HS3ST2: variants seen among roughly 807,000 people sequenced by gnomAD.
HS3ST2 encodes the protein heparan sulfate glucosamine 3-O-sulfotransferase 2.
Under a neutral mutation model 26.3 loss-of-function variants are expected in HS3ST2, and 17 were observed. That is an observed-to-expected ratio of 0.65 (90% CI 0.44 to 0.97). The LOEUF (loss-of-function observed/expected upper bound fraction) is 0.97. HS3ST2 is among the 50% of genes least tolerant of loss of function. HS3ST2 has a pLI of 0.00. For synonymous variants in HS3ST2, 237 were observed against 219.2 expected (o/e 1.08, Z -0.72); for missense variants, 402 against 501.2 (o/e 0.80, Z 1.89).
At chr16:22,868,877 T>A (rs1901793863) in intron 1 of HS3ST2, among the ~76,000 whole-genome samples, 2 of 152,012 alleles carry the variant, frequency 1.3e-5, no homozygotes, top group African/African-American at 4.8e-5. Flanking sequence ...GACCCATTAG[T>A]GTCAGTAATT....
intron 1 of HS3ST2, among the ~76,000 whole-genome samples, chr16:22,869,519 T>C (rs1185093452): frequency 4.6e-5 from 7 of 152,138 alleles, no homozygotes; most frequent in Non-Finnish European, 1.0e-4. Flanking sequence ...GACTTACAGT[T>C]CCACATGGCT....
chr16:22,814,546 C>A lies in HS3ST2; in HGVS notation c.-65C>A. 7.0e-7 allele frequency: 1 copy of A among 1,436,844 alleles called. No homozygotes were observed. The highest frequency in any genetic ancestry group is 2.7e-5 in the East Asian group (1 of 37,232). 89.0% of individuals were successfully genotyped at this position (1,436,844 alleles called of 1,614,324 possible). A position where few individuals can be genotyped will look rare whatever the true frequency, so the allele number is the denominator to read the frequency against. On this transcript the variant is annotated 5_prime_UTR_variant, in exon 1 of 2. Transcript: ENST00000261374. ...GCGAGCCCTCTAGGCGACCGCAGGG[C>A]CACAGCAGCTCAGCCGCCGGTGCCC...
chr16:22,909,901 G>T (rs1162797662), intron 1 of HS3ST2, among the ~76,000 whole-genome samples: 1 of 152,140 alleles, frequency 6.6e-6, no homozygotes, highest in African/African-American at 2.4e-5. Context: ...GCTGGGCGTG[G>T]TGGCACATGC....
intron 1 of HS3ST2, among the ~76,000 whole-genome samples, chr16:22,856,399 T>G (rs1432760041): frequency 6.6e-6 from 1 of 152,204 alleles, no homozygotes; most frequent in South Asian, 2.1e-4. Context: ...GACCTGCAAT[T>G]CCTTTCCCTG....
At chr16:22,864,367 C>T (rs1041306919) in intron 1 of HS3ST2, among the ~76,000 whole-genome samples, 2 of 152,192 alleles carry the variant, frequency 1.3e-5, no homozygotes, top group Non-Finnish European at 2.9e-5. Context: ...GGAAATATGT[C>T]AGGACCTCAT....
chr16:22,915,653 C>A lies in HS3ST2; in HGVS notation c.*91C>A. The A allele has an allele frequency of 7.1e-7, 1 of 1,400,466 alleles. No homozygotes were observed. The highest frequency in any genetic ancestry group is 9.7e-7 in the Non-Finnish European group (1 of 1,029,226). 86.8% of individuals were successfully genotyped at this position (1,400,466 alleles called of 1,614,324 possible). On this transcript the variant is annotated 3_prime_UTR_variant, in exon 2 of 2. Coordinates refer to ENST00000261374, the MANE Select transcript of HS3ST2 (RefSeq NM_006043.2). The stretch of plus-strand genomic sequence containing the variant: ...ACCCTCTGATCTCCCTCCAACAAAC[C>A]CTGGCTCCAGCCCCCTTTCCCAACT...
chr16:22,857,983 T>A (rs1411816132), intron 1 of HS3ST2, among the ~76,000 whole-genome samples: 1 of 152,120 alleles, frequency 6.6e-6, no homozygotes, highest in Non-Finnish European at 1.5e-5. Context: ...TGGTTGTTCT[T>A]TGATTCACTT....
chr16:22,903,045 G>C (rs963084488), intron 1 of HS3ST2, among the ~76,000 whole-genome samples: 2 of 152,058 alleles, frequency 1.3e-5, no homozygotes, highest in Non-Finnish European at 1.5e-5. Context: ...TTCTATTCCA[G>C]GGACTTATTT....
chr16:22,871,949 G>C (rs1402064114), intron 1 of HS3ST2, among the ~76,000 whole-genome samples: 1 of 152,204 alleles, frequency 6.6e-6, no homozygotes, highest in Non-Finnish European at 1.5e-5. Flanking sequence ...GCAGGGAAGT[G>C]ACCAGGCGTA....
intron 1 of HS3ST2, among the ~76,000 whole-genome samples, chr16:22,903,585 G>A (rs1328577463): frequency 2.0e-5 from 3 of 152,164 alleles, no homozygotes; most frequent in African/African-American, 7.2e-5. Context: ...TTAGTCCTGT[G>A]CCTGGCATGC....
chr16:22,884,677 T>TATATA (rs368786272), intron 1 of HS3ST2, among the ~76,000 whole-genome samples: 3 of 138,314 alleles, frequency 2.2e-5, no homozygotes, highest in African/African-American at 7.8e-5. Flanking sequence ...TATATATATA[T>TATATA]TATATATATA....
At chr16:22,904,402 C>A (rs576431571) in intron 1 of HS3ST2, among the ~76,000 whole-genome samples, 1 of 152,174 alleles carries the variant, frequency 6.6e-6, no homozygotes, top group South Asian at 2.1e-4. Flanking sequence ...AGTCATGATC[C>A]CTGCCTTCAG....
In HS3ST2 at chr16:22,874,346, A is replaced by G. The variant is rs919640807; in HGVS notation, c.486-40598A>G. Among the ~76,000 whole-genome samples the G allele has an allele frequency of 3.3e-5, 5 of 152,338 alleles. No homozygotes were observed. In the South Asian group the frequency reaches 1.0e-3, roughly 32 times the overall value. On this transcript the variant is annotated intron_variant, in intron 1 of 1. Coordinates refer to ENST00000261374, the MANE Select transcript of HS3ST2 (RefSeq NM_006043.2). ...TTCCAGACTTATTTTACAGGAGATA[A>G]GTTCAGAAGGTGAGATTTCCTCCTC...
chr16:22,914,179 C>T (rs926139542), intron 1 of HS3ST2, among the ~76,000 whole-genome samples: 1 of 151,772 alleles, frequency 6.6e-6, no homozygotes, highest in African/African-American at 2.4e-5. Flanking sequence ...TATCCCTCAT[C>T]TTCTAATTCT....
At chr16:22,847,345 G>GTA (rs940244418) in intron 1 of HS3ST2, among the ~76,000 whole-genome samples, 1 of 152,114 alleles carries the variant, frequency 6.6e-6, no homozygotes, top group African/African-American at 2.4e-5. Context: ...ATTCCATGGT[G>GTA]TATATATATA....
intron 1 of HS3ST2, among the ~76,000 whole-genome samples, chr16:22,845,333 G>C (rs1348108463): frequency 1.4e-5 from 2 of 144,236 alleles, no homozygotes; most frequent in Non-Finnish European, 3.0e-5. Flanking sequence ...TTTTTTGTGT[G>C]AACTCATCTA....
rs1165585404 is a variant in HS3ST2, at chr16:22,888,373, C to CTTTTTTT, written c.486-26558_486-26552dup. On this transcript the variant is annotated intron_variant, in intron 1 of 1. Coordinates refer to ENST00000261374, the MANE Select transcript of HS3ST2 (RefSeq NM_006043.2). ...CTTTTCAAGAATGTCTCTGGCTTTT[C>CTTTTTTT]TTTTTTTTTTTTTTTTTTTCTTTTT... Among the ~76,000 whole-genome samples the CTTTTTTT allele has an allele frequency of 6.9e-4, 42 of 61,278 alleles. 1 individual carries two copies. Among genetic ancestry groups the CTTTTTTT allele is most frequent in the Non-Finnish European group, 7.6e-4 (24 of 31,726 alleles). 40.2% of individuals were successfully genotyped at this position (61,278 alleles called of 152,430 possible).
rs950795423 is a variant in HS3ST2, at chr16:22,907,703, A to G, written c.486-7241A>G. The stretch of plus-strand genomic sequence containing the variant: ...GTTCAATTGTTGAAGTGAGGTATCC[A>G]GTCTATAGACAAGCATTCTAATTAA... On this transcript the variant is annotated intron_variant, in intron 1 of 1. Transcript: ENST00000261374. Among the ~76,000 whole-genome samples, 4 of 152,382 alleles carry G rather than the reference A, an allele frequency of 2.6e-5. No individual in the cohort carries two copies. In the East Asian group the frequency reaches 7.7e-4, roughly 29 times the overall value.
intron 1 of HS3ST2, among the ~76,000 whole-genome samples, chr16:22,889,716 G>T (rs1902106197): frequency 6.6e-6 from 1 of 152,074 alleles, no homozygotes; most frequent in South Asian, 2.1e-4. Flanking sequence ...CTTGCTCAGT[G>T]TCCCTCAATT....
Sources: gnomAD v4.1 joint callset for allele counts (sites outside exome capture counted in the v4.1 genomes callset) on GRCh38, gnomAD v4.1.1 for gene constraint, MANE v1.5 for transcripts, NCBI Gene and HGNC (gene_info 2026-07-23, HGNC 2026-07-21) for gene names.